Variants in ITPR1 observed in about 807,000 individuals in gnomAD.
The protein encoded by ITPR1 is inositol 1,4,5-trisphosphate-gated calcium channel ITPR1.
A neutral mutation model predicts 318.4 loss-of-function variants in ITPR1; 96 were observed. The observed-to-expected ratio is 0.30, with a 90% CI of 0.26 to 0.36. The LOEUF is 0.36. ITPR1 is among the 10% of genes least tolerant of loss of function. The probability of loss-of-function intolerance (pLI) is 1.00; values close to 1 mark genes in which losing one functional copy is unlikely to be tolerated. For missense variants in ITPR1, 2,440 were observed against 3,460.2 expected, an observed-to-expected ratio of 0.71 and a Z score of 7.40; for synonymous variants, 1,312 against 1,289.9, an observed-to-expected ratio of 1.02 and a Z score of -0.37.
At chr3:4,598,306 T>A (rs1477379607) in intron 4 of ITPR1, among the ~76,000 whole-genome samples, 2 of 152,196 alleles carry the variant, frequency 1.3e-5, no homozygotes, top group African/African-American at 4.8e-5. Context: ...GGGGAGACCC[T>A]TGTTTGAACA....
chr3:4,612,425 C>A (rs761717895), intron 4 of ITPR1, among the ~76,000 whole-genome samples: 2 of 152,108 alleles, frequency 1.3e-5, no homozygotes, highest in Non-Finnish European at 2.9e-5. Context: ...TGGGCCCAAT[C>A]CCCCATGGAT....
chr3:4,820,580 C>T (rs956891528), intron 60 of ITPR1, among the ~76,000 whole-genome samples: 1 of 152,194 alleles, frequency 6.6e-6, no homozygotes, highest in African/African-American at 2.4e-5. Context: ...CTCTGAGGGC[C>T]TGGGTGTTTG....
rs370171914 is a variant in ITPR1, at chr3:4,659,795, G to A, written c.1152-1193G>A. ...AACTGGTTCATTATTGGACTGTTCTGTTATACTGTATTAATACAATATATT... is the reference window on the plus strand; with the variant it reads ...AACTGGTTCATTATTGGACTGTTCTATTATACTGTATTAATACAATATATT... On this transcript the variant is annotated intron_variant, in intron 13 of 61. Transcript: ENST00000649015. 2.6e-5 allele frequency among the ~76,000 whole-genome samples: 4 copies of A among 151,866 alleles called. No homozygotes were observed. In the East Asian group the frequency reaches 7.7e-4, roughly 29 times the overall value.
chr3:4,719,549 A>G (rs1261068145), intron 40 of ITPR1, among the ~76,000 whole-genome samples: 1 of 152,174 alleles, frequency 6.6e-6, no homozygotes, highest in African/African-American at 2.4e-5. Context: ...CTGCGTACCC[A>G]TGTTCCAAAG....
At chr3:4,629,622 C>T (rs1386595520) in intron 5 of ITPR1, among the ~76,000 whole-genome samples, 6 of 152,222 alleles carry the variant, frequency 3.9e-5, no homozygotes, top group Non-Finnish European at 7.3e-5. Context: ...AATGAATGAG[C>T]AGTGTGCTAG....
At chr3:4,689,224 A>T (rs555942712) in intron 31 of ITPR1, among the ~76,000 whole-genome samples, 4 of 152,292 alleles carry the variant, frequency 2.6e-5, no homozygotes, top group Admixed American at 6.5e-5. Context: ...TGTAACTTTT[A>T]AAAAAACATT....
chr3:4,706,336 C>T lies in ITPR1; in HGVS notation c.4827C>T (p.Ile1609=). The change falls in exon 37 of 62, where the codon ATC becomes ATT. Residue 1609 remains isoleucine, a synonymous_variant. Transcript: ENST00000649015. Reference sequence around the variant, plus strand: ...CAGCTTCCAGAGACTACCGGAATATCATTGAGAGATTGCAGGTAATGCCTG... The same window carrying T: ...CAGCTTCCAGAGACTACCGGAATATTATTGAGAGATTGCAGGTAATGCCTG... ...VLAASRDYRN[I]IERLQDIVSA... is the part of the protein sequence containing the mutation. The T allele has an allele frequency of 6.2e-7, 1 of 1,609,656 alleles. No homozygotes were observed. Among genetic ancestry groups the T allele is most frequent in the Non-Finnish European group, 8.5e-7 (1 of 1,176,538 alleles).
chr3:4,645,183 T>C (rs1198902088), intron 8 of ITPR1, among the ~76,000 whole-genome samples: 1 of 152,206 alleles, frequency 6.6e-6, no homozygotes, highest in East Asian at 1.9e-4. Context: ...TGCATAGTGA[T>C]TGGTGCAAAT....
intron 6 of ITPR1, among the ~76,000 whole-genome samples, chr3:4,639,855 C>A (rs1346435542): frequency 2.0e-5 from 3 of 152,060 alleles, no homozygotes; most frequent in African/African-American, 7.2e-5. Context: ...ACAGCTGCTC[C>A]CAGGAGGTAA....
At chr3:4,697,052 C>A in intron 33 of ITPR1, 95 bp from the exon 34 acceptor site, 3 of 1,124,802 alleles carry the variant, frequency 2.7e-6, no homozygotes, top group Non-Finnish European at 3.9e-6. Context: ...AATGGGATGA[C>A]CATTTTCATC....
intron 54 of ITPR1, among the ~76,000 whole-genome samples, chr3:4,801,631 G>A (rs2048236618): frequency 6.6e-6 from 1 of 152,098 alleles, no homozygotes; most frequent in Admixed American, 6.5e-5. Context: ...GGGTTTGGTA[G>A]CATGCGCCTA....
intron 4 of ITPR1, among the ~76,000 whole-genome samples, chr3:4,624,572 A>G (rs1034783885): frequency 2.0e-5 from 3 of 151,170 alleles, no homozygotes; most frequent in Admixed American, 1.3e-4. Flanking sequence ...TGGGAGGCTA[A>G]GGCAGAAGAA....
chr3:4,654,847 T>C (rs2093671229), intron 12 of ITPR1, among the ~76,000 whole-genome samples: 4 of 152,220 alleles, frequency 2.6e-5, no homozygotes, highest in South Asian at 4.1e-4. Context: ...TGGTGAAATG[T>C]TGGCTTTGAA....
intron 29 of ITPR1, 147 bp downstream of exon 29, chr3:4,684,493 C>T: frequency 3.1e-6 from 2 of 635,060 alleles, no homozygotes; most frequent in Non-Finnish European, 5.6e-6. Flanking sequence ...AGAGGTTAAG[C>T]TCATGGGTTT....
intron 4 of ITPR1, among the ~76,000 whole-genome samples, chr3:4,613,985 ATAACCACTGTTT>A (rs2092279223): frequency 6.6e-6 from 1 of 152,192 alleles, no homozygotes; most frequent in African/African-American, 2.4e-5. Flanking sequence ...CCTGACAGAG[ATAACCACTGTTT>A]TAATGCTGTC....
intron 32 of ITPR1, 139 bp from the exon 33 acceptor site, chr3:4,693,351 G>T: frequency 2.2e-6 from 2 of 910,222 alleles, no homozygotes; most frequent in East Asian, 2.4e-5. Flanking sequence ...TTATATAAAT[G>T]AATGAAGTCA....
At chr3:4,550,905 A>G (rs1208032322) in intron 4 of ITPR1, among the ~76,000 whole-genome samples, 2 of 150,946 alleles carry the variant, frequency 1.3e-5, no homozygotes, top group Non-Finnish European at 2.9e-5. Context: ...AAAAAGAAAG[A>G]AAAGAAACAC....
chr3:4,784,160 C>T (rs2047013634), intron 51 of ITPR1, among the ~76,000 whole-genome samples: 1 of 152,114 alleles, frequency 6.6e-6, no homozygotes, highest in Non-Finnish European at 1.5e-5. Context: ...TTCACGAGGA[C>T]AGGTGGGAGG....
chr3:4,608,775 G>C (rs1052681085), intron 4 of ITPR1, among the ~76,000 whole-genome samples: 1 of 151,834 alleles, frequency 6.6e-6, no homozygotes, highest in Non-Finnish European at 1.5e-5. Context: ...GCCAAGGCAG[G>C]TGGATCACTT....
Sources: allele counts gnomAD v4.1 joint callset (sites outside exome capture counted in the v4.1 genomes callset), GRCh38; gene constraint gnomAD v4.1.1; transcripts MANE v1.5; gene names NCBI Gene and HGNC (gene_info 2026-07-23, HGNC 2026-07-21).